The following FAT2 variants were observed in gnomAD, a reference collection of about 807,000 sequenced individuals.
FAT2 encodes protocadherin Fat 2.
FAT2 carries 150 observed loss-of-function variants against 295.3 expected under a neutral mutation model. The observed-to-expected ratio is 0.51, with a 90% CI of 0.44 to 0.58. The LOEUF (loss-of-function observed/expected upper bound fraction) is 0.58, where lower values mean the gene tolerates loss of function less well. FAT2 is among the 20% of genes least tolerant of loss of function. The probability of loss-of-function intolerance (pLI) is 0.00; values close to 1 mark genes in which losing one functional copy is unlikely to be tolerated. For synonymous variants in FAT2, 2,026 were observed against 2,150.3 expected (o/e 0.94, Z 1.60); for missense variants, 4,868 against 5,442.7 (o/e 0.89, Z 3.32).
At chr5:151,591,735 C>A (rs186785071), upstream of FAT2, among the ~76,000 whole-genome samples, 1 of 149,256 alleles carries the variant, frequency 6.7e-6, no homozygotes, top group Non-Finnish European at 1.5e-5. Flanking sequence ...TGGTTCGAAA[C>A]CCTGGCACTG....
rs139110475 is a variant in FAT2 at position 151,520,630 on chromosome 5, G to A, written c.11317+646C>T. 2.1e-3 allele frequency among the ~76,000 whole-genome samples: 324 copies of A among 152,184 alleles called. 1 individual carries two copies. Among genetic ancestry groups the A allele is most frequent in the African/African-American group, 7.5e-3 (311 of 41,502 alleles). On this transcript the variant is annotated intron_variant, in intron 19 of 23. Coordinates refer to ENST00000261800, the MANE Select transcript of FAT2 (RefSeq NM_001447.3). ...ATAACTCTTACGTAATTTCCCCCCC[G>A]AACCCAACTCCAGGAGGCAGATGTA... is the stretch of plus-strand genomic sequence containing the variant.
At chr5:151,569,856 A>G (rs1758453976) in intron 1 of FAT2, among the ~76,000 whole-genome samples, 1 of 152,236 alleles carries the variant, frequency 6.6e-6, no homozygotes, top group African/African-American at 2.4e-5. Context: ...GGCTGCAGGA[A>G]AGCAAAGTGA....
At chr5:151,551,362 TC>T in intron 7 of FAT2, 104 bp downstream of exon 7, 1 of 1,198,358 alleles carries the variant, frequency 8.3e-7, no homozygotes, top group Non-Finnish European at 1.2e-6. Context: ...AATTCAGTGT[TC>T]CTTGAGGAAC....
At position 151,531,870 on chromosome 5, in the gene FAT2, C is replaced by G. The variant is rs561648946; in HGVS notation, c.9528G>C (p.Gln3176His). ...TGVIRLEKPL[Q>H]VRPQAPLELT... Reference sequence around the variant, plus strand: ...GCTCCAGTGGTGCCTGGGGCCTGACCTGCAGCGGCTTTTCCAGGCGGATCA... The same window carrying G: ...GCTCCAGTGGTGCCTGGGGCCTGACGTGCAGCGGCTTTTCCAGGCGGATCA... Residue 3176 changes from glutamine (Q) to histidine (H), a missense_variant, in exon 14 of 24, where the codon CAG (glutamine) becomes CAC (histidine). Transcript: ENST00000261800. This position sits in a 1 kb window ranked among gnomAD's most constrained non-coding sequence, Gnocchi z 5.7. 1.2e-5 allele frequency: 20 copies of G among 1,614,148 alleles called. No homozygotes were observed. The African/African-American group carries it at 2.4e-4, about 19-fold the overall frequency.
intron 3 of FAT2, among the ~76,000 whole-genome samples, chr5:151,559,620 T>C: frequency 6.6e-6 from 1 of 151,904 alleles, no homozygotes. Context: ...CTTCTCCCCC[T>C]GTGCCTCTGA....
At chr5:151,513,699 C>T (rs973090330) in intron 20 of FAT2, among the ~76,000 whole-genome samples, 2 of 152,012 alleles carry the variant, frequency 1.3e-5, no homozygotes, top group Non-Finnish European at 2.9e-5. Flanking sequence ...TATGATACAT[C>T]GGTTACCCGT....
intron 11 of FAT2, 97 bp from the exon 12 acceptor site, chr5:151,538,043 G>A (rs1244721635): frequency 9.3e-7 from 1 of 1,079,312 alleles, no homozygotes; most frequent in East Asian, 2.4e-5. Context: ...GAAGCAGAAA[G>A]AGAGACACTA....
At chr5:151,508,496 G>C (rs943397657) in intron 22 of FAT2, among the ~76,000 whole-genome samples, 2 of 152,088 alleles carry the variant, frequency 1.3e-5, no homozygotes, top group Non-Finnish European at 2.9e-5. Flanking sequence ...GATCACTTGA[G>C]GTCAGGAATT....
rs567962021 is a variant in FAT2 at position 151,580,590 on chromosome 5, C to T, written c.-21+10575G>A. 2.4e-4 allele frequency among the ~76,000 whole-genome samples: 37 copies of T among 152,342 alleles called. No individual in the cohort carries two copies. In the Middle Eastern group the frequency reaches 0.014, roughly 56 times the overall value. ...TTGTGGGAGGGTCCCTTAACACACA[C>T]GCGTGCTCGCACACACACACACGGG... On this transcript the variant is annotated intron_variant, in intron 1 of 23. Coordinates refer to ENST00000261800, the MANE Select transcript of FAT2 (RefSeq NM_001447.3).
Position 151,525,751 on chromosome 5 carries a change from C to T in FAT2, c.10506+17G>A, listed in dbSNP as rs368865606. On this transcript the variant is annotated intron_variant, in intron 18 of 23. Transcript: ENST00000261800. ...CTGTCCCCATGGTCACCACCAGAAG[C>T]CTAGCACAGCTCTCACCTGGATCTG... 3.7e-6 allele frequency: 6 copies of T among 1,613,980 alleles called. No individual in the cohort carries two copies. In the East Asian group the frequency reaches 1.3e-4, roughly 36 times the overall value.
At chr5:151,530,624 CATTT>C (rs1432149819) in intron 14 of FAT2, among the ~76,000 whole-genome samples, 2 of 152,166 alleles carry the variant, frequency 1.3e-5, no homozygotes, top group Admixed American at 6.5e-5. Context: ...TTCGAAAAGA[CATTT>C]ATGAGAATCT....
intron 22 of FAT2, 93 bp from the exon 23 acceptor site, chr5:151,507,704 C>T (rs553058197): frequency 4.3e-6 from 5 of 1,151,422 alleles, no homozygotes; most frequent in Admixed American, 2.9e-5. Context: ...ACTGCTCCCC[C>T]CAAAACCTAC....
At chr5:151,536,354 C>T (rs1475168159) in intron 12 of FAT2, among the ~76,000 whole-genome samples, 1 of 152,120 alleles carries the variant, frequency 6.6e-6, no homozygotes, top group Non-Finnish European at 1.5e-5. Context: ...CAGCATTGTC[C>T]CCTATCTACC....
At chr5:151,571,843 T>C (rs1758540283) in intron 1 of FAT2, among the ~76,000 whole-genome samples, 1 of 152,194 alleles carries the variant, frequency 6.6e-6, no homozygotes, top group South Asian at 2.1e-4. Context: ...CTTAACACTT[T>C]CCAGTGGCTT....
intron 12 of FAT2, among the ~76,000 whole-genome samples, chr5:151,535,688 C>G (rs1486811473): frequency 1.3e-5 from 2 of 152,166 alleles, no homozygotes; most frequent in Non-Finnish European, 2.9e-5. Context: ...CAACTTGAAG[C>G]TGGTTGGTCA....
At position 151,567,029 on chromosome 5, in the gene FAT2, T is replaced by C. The variant is rs1758305071; in HGVS notation, c.1903A>G (p.Ser635Gly). The change falls in exon 2 of 24, where the codon AGT (serine) becomes GGT (glycine). Residue 635 changes from serine to glycine, a missense_variant. Around this residue, in one of 5 missense-constraint regions of FAT2, gnomAD observed 3,297 missense variants for 3,669.4 expected, o/e 0.90. Transcript: ENST00000261800. Reference protein sequence around the residue: ...FINLTAGQPTSYSLKITASDG... With the variant: ...FINLTAGQPTGYSLKITASDG... The stretch of plus-strand genomic sequence containing the variant: ...GAGGCTGTAATCTTCAGGGAATAAC[T>C]GGTGGGTTGACCAGCAGTAAGATTG... The C allele has an allele frequency of 6.2e-7, 1 of 1,614,112 alleles. No homozygotes were observed. Among genetic ancestry groups the C allele is most frequent in the Non-Finnish European group, 8.5e-7 (1 of 1,179,996 alleles).
intron 1 of FAT2, among the ~76,000 whole-genome samples, chr5:151,578,996 A>C (rs1581470101): frequency 6.6e-6 from 1 of 152,140 alleles, no homozygotes; most frequent in Non-Finnish European, 1.5e-5. Flanking sequence ...GAGGGTGGGG[A>C]TTGGGAAGAT....
chr5:151,545,516 T>C lies in FAT2; in HGVS notation c.5611A>G (p.Arg1871Gly). 6.2e-7 allele frequency: 1 copy of C among 1,614,128 alleles called. No homozygotes were observed. The highest frequency in any genetic ancestry group is 8.5e-7 in the Non-Finnish European group (1 of 1,180,008). Residue 1871 changes from arginine to glycine, a missense_variant, in exon 10 of 24, where the codon AGA (arginine) becomes GGA (glycine). Coordinates refer to ENST00000261800, the MANE Select transcript of FAT2 (RefSeq NM_001447.3). ...ACCTCATATATCTGTTCTGAGAATC[T>C]GGGAGGGGAATCATTCACATCTCTG... Reference protein sequence around the residue: ...HVRDVNDSPPRFSEQIYEVAI... With the variant: ...HVRDVNDSPPGFSEQIYEVAI...
intron 18 of FAT2, among the ~76,000 whole-genome samples, chr5:151,523,905 C>T (rs1343644582): frequency 6.6e-6 from 1 of 152,208 alleles, no homozygotes; most frequent in Non-Finnish European, 1.5e-5. Context: ...CCACCGAAGT[C>T]TTCATGGGAG....
Sources: gnomAD v4.1 joint callset for allele counts (sites outside exome capture counted in the v4.1 genomes callset) on GRCh38, gnomAD v4.1.1 for gene constraint, gnomAD v4.1.1 regional missense constraint, Gnocchi (gnomAD v3.1) non-coding constraint, MANE v1.5 for transcripts, NCBI Gene and HGNC (gene_info 2026-07-23, HGNC 2026-07-21) for gene names.